ABCG8: variants seen among roughly 807,000 people sequenced by gnomAD.
ABCG8 encodes ATP binding cassette subfamily G member 8, also known as ATP-binding cassette sub-family G member 8.
In ABCG8, 81 loss-of-function variants were observed where a neutral mutation model predicts 71.3. The ratio of observed to expected loss-of-function variants is 1.14; its 90% CI spans 0.95 to 1.37. The LOEUF is 1.37. Ranked by LOEUF, ABCG8 falls within the 40% of genes most tolerant of loss-of-function variation. The probability of loss-of-function intolerance (pLI) is 0.00; values close to 1 mark genes in which losing one functional copy is unlikely to be tolerated. For synonymous variants in ABCG8, 451 were observed against 354.7 expected (o/e 1.27, Z -3.05); for missense variants, 1,119 against 866.2 (o/e 1.29, Z -3.66).
rs769232278 is a variant in ABCG8, at chr2:43,852,693, G to A, written c.789G>A (p.Arg263=). 1 of 1,614,200 alleles carries A rather than the reference G, an allele frequency of 6.2e-7. No homozygotes were observed. The highest frequency in any genetic ancestry group is 1.1e-5 in the South Asian group (1 of 91,084). Reference sequence around the variant, plus strand: ...TGTCCAGGCTGGCCAAAGGCAACCGGCTGGTGCTCATCTCCCTCCACCAGC... The same window carrying A: ...TGTCCAGGCTGGCCAAAGGCAACCGACTGGTGCTCATCTCCCTCCACCAGC... ...KTLSRLAKGN[R]LVLISLHQPR... The change falls in exon 6 of 13, where the codon CGG becomes CGA. Residue 263 remains arginine, a synonymous_variant. Transcript: ENST00000272286.
chr2:43,872,440 G>T (rs902986128), intron 8 of ABCG8, 134 bp downstream of exon 8: 16 of 1,068,606 alleles, frequency 1.5e-5, no homozygotes, highest in Non-Finnish European at 1.4e-5. Context: ...ACAGCATCCA[G>T]CAGGGCGTTG....
chr2:43,871,070 C>G (rs964929914), intron 6 of ABCG8, among the ~76,000 whole-genome samples: 1 of 150,562 alleles, frequency 6.6e-6, no homozygotes, highest in Non-Finnish European at 1.5e-5. Context: ...CTAGATAGAA[C>G]TCTCACTATC....
At chr2:43,846,391 A>C in intron 3 of ABCG8, 80 bp downstream of exon 3, 1 of 1,593,598 alleles carries the variant, frequency 6.3e-7, no homozygotes, top group South Asian at 1.1e-5. Context: ...GATGCTTCTT[A>C]TGGAGCTCTT....
At chr2:43,873,336 G>T (rs890035474) in intron 8 of ABCG8, among the ~76,000 whole-genome samples, 2 of 151,854 alleles carry the variant, frequency 1.3e-5, no homozygotes, top group African/African-American at 2.4e-5. Flanking sequence ...TTACAGGTGT[G>T]TGCCACCACT....
rs1670079987 is a variant in ABCG8, at chr2:43,879,761, C to T, written c.*1848C>T. ...TGATACTTGAGTTTGAAGGCTGTCTCTCAATTTGTGTTCTGCCCAGTGCAT... is the reference window on the plus strand; with the variant it reads ...TGATACTTGAGTTTGAAGGCTGTCTTTCAATTTGTGTTCTGCCCAGTGCAT... On this transcript the variant is annotated 3_prime_UTR_variant, in exon 13 of 13. Transcript: ENST00000272286. 6.6e-6 allele frequency: 1 copy of T among 152,172 alleles called. No individual in the cohort carries two copies. The highest frequency in any genetic ancestry group is 2.4e-5 in the African/African-American group (1 of 41,432). The allele number at this position is 152,172 out of a possible 1,614,324, so 9.4% of individuals were successfully genotyped here. A position where few individuals can be genotyped will look rare whatever the true frequency, so the allele number is the denominator to read the frequency against.
chr2:43,863,141 C>A (rs538106787), intron 6 of ABCG8, among the ~76,000 whole-genome samples: 4 of 151,148 alleles, frequency 2.6e-5, no homozygotes, highest in Admixed American at 6.6e-5. Flanking sequence ...CTGGATATAA[C>A]TCTCACTATC....
chr2:43,864,238 ATAG>A (rs1318504593), intron 6 of ABCG8, among the ~76,000 whole-genome samples: 1 of 151,586 alleles, frequency 6.6e-6, no homozygotes, highest in Non-Finnish European at 1.5e-5. Context: ...CACTATCTGG[ATAG>A]AATTCTCACT....
intron 11 of ABCG8, among the ~76,000 whole-genome samples, chr2:43,875,955 C>G (rs1669946860): frequency 2.0e-5 from 3 of 152,200 alleles, no homozygotes; most frequent in Non-Finnish European, 4.4e-5. Context: ...GCCTGCCCAG[C>G]TATTGTCTCT....
chr2:43,846,240 G>A lies in ABCG8; in HGVS notation c.251G>A (p.Cys84Tyr). The part of the protein sequence containing the change: ...PWTSPSCQNS[C>Y]ELGIQNLSFK... ...ACATCTCCCAGCTGCCAGAATTCTT[G>A]TGAGCTGGGCATCCAGAACCTAAGC... The change falls in exon 3 of 13, where the codon TGT (cysteine) becomes TAT (tyrosine). Residue 84 changes from cysteine (C) to tyrosine (Y), a missense_variant. Coordinates refer to ENST00000272286, the MANE Select transcript of ABCG8 (RefSeq NM_022437.3). The A allele has an allele frequency of 6.2e-7, 1 of 1,614,178 alleles. No homozygotes were observed. The highest frequency in any genetic ancestry group is 8.5e-7 in the Non-Finnish European group (1 of 1,180,036).
intron 6 of ABCG8, among the ~76,000 whole-genome samples, chr2:43,866,016 A>G (rs1669521350): frequency 6.6e-6 from 1 of 152,002 alleles, no homozygotes; most frequent in Non-Finnish European, 1.5e-5. Context: ...AATAGAACAG[A>G]ACAGAGCCCT....
chr2:43,869,188 T>C (rs933797762), intron 6 of ABCG8, among the ~76,000 whole-genome samples: 1 of 152,066 alleles, frequency 6.6e-6, no homozygotes, highest in South Asian at 2.1e-4. Flanking sequence ...GGTAGAATTC[T>C]CACTATCATT....
rs1670087488 is a variant in ABCG8, at chr2:43,880,084, A to C, written c.*2171A>C. 1 of 151,172 alleles carries C rather than the reference A, an allele frequency of 6.6e-6. No individual in the cohort carries two copies. The highest frequency in any genetic ancestry group is 2.4e-5 in the African/African-American group (1 of 41,038). The allele number at this position is 151,172 out of a possible 1,614,324, so 9.4% of individuals were successfully genotyped here. On this transcript the variant is annotated 3_prime_UTR_variant, in exon 13 of 13. Coordinates refer to ENST00000272286, the MANE Select transcript of ABCG8 (RefSeq NM_022437.3). The stretch of plus-strand genomic sequence containing the variant: ...CTTGTCCCTGATTTGGCCAGTGGGA[A>C]CCCCGTCGAGCTGGCTTCTGCATCC...
intron 8 of ABCG8, among the ~76,000 whole-genome samples, chr2:43,873,367 T>C (rs1044141565): frequency 7.9e-5 from 12 of 151,924 alleles, no homozygotes; most frequent in African/African-American, 2.9e-4. Flanking sequence ...TTTTTGTGTG[T>C]TTTTAGTAGA....
chr2:43,862,777 C>T (rs991315766), intron 6 of ABCG8, among the ~76,000 whole-genome samples: 1 of 147,622 alleles, frequency 6.8e-6, no homozygotes, highest in Non-Finnish European at 1.5e-5. Context: ...CTTGGTAGAA[C>T]TCTCACTATC....
intron 8 of ABCG8, among the ~76,000 whole-genome samples, chr2:43,872,981 C>T (rs556849025): frequency 7.9e-5 from 12 of 152,110 alleles, no homozygotes; most frequent in South Asian, 4.2e-4. Context: ...CATTTGTAAA[C>T]GTAGCGGGAT....
Position 43,852,625 on chromosome 2 carries a change from T to G in ABCG8, c.721T>G (p.Ser241Ala), listed in dbSNP as rs1400814598. ...AATCCTTATTCTCGACGAACCCACCTCTGGGCTCGACAGCTTCACAGCCCA... is the reference window on the plus strand; with the variant it reads ...AATCCTTATTCTCGACGAACCCACCGCTGGGCTCGACAGCTTCACAGCCCA... The part of the protein sequence containing the change: ...PGILILDEPT[S>A]GLDSFTAHNL... Residue 241 changes from serine (S) to alanine (A), a missense_variant, in exon 6 of 13, where the codon TCT becomes GCT. Transcript: ENST00000272286. 1 of 1,614,146 alleles carries G rather than the reference T, an allele frequency of 6.2e-7. No homozygotes were observed. Among genetic ancestry groups the G allele is most frequent in the South Asian group, 1.1e-5 (1 of 91,082 alleles).
intron 6 of ABCG8, among the ~76,000 whole-genome samples, chr2:43,860,666 A>T (rs910266937): frequency 6.6e-6 from 1 of 150,410 alleles, no homozygotes; most frequent in Non-Finnish European, 1.5e-5. Flanking sequence ...TAGAATTGTC[A>T]CCATCTGGGT....
At chr2:43,860,577 C>A (rs964475915) in intron 6 of ABCG8, among the ~76,000 whole-genome samples, 2 of 151,340 alleles carry the variant, frequency 1.3e-5, no homozygotes, top group African/African-American at 4.8e-5. Context: ...ATAGAATTCT[C>A]ACCATCTGCA....
At position 43,866,850 on chromosome 2, in the gene ABCG8, A is replaced by G. The variant is rs544757828; in HGVS notation, c.965-5126A>G. Among the ~76,000 whole-genome samples, 23 of 151,474 alleles carry G rather than the reference A, an allele frequency of 1.5e-4. No homozygotes were observed. The East Asian group carries it at 3.9e-3, about 25-fold the overall frequency. On this transcript the variant is annotated intron_variant, in intron 6 of 12. Transcript: ENST00000272286. ...ACCCAGCCATCCCATTACTGGGTAT[A>G]TACCCAAAGGACTATAAATCATGCT...
Sources: gnomAD v4.1 joint callset for allele counts (sites outside exome capture counted in the v4.1 genomes callset) on GRCh38, gnomAD v4.1.1 for gene constraint, MANE v1.5 for transcripts, NCBI Gene and HGNC (gene_info 2026-07-23, HGNC 2026-07-21) for gene names.